The following FAM184A variants were observed in gnomAD, a reference collection of about 807,000 sequenced individuals.
FAM184A encodes family with sequence similarity 184 member A.
FAM184A carries 99 observed loss-of-function variants against 143.8 expected under a neutral mutation model. That is an observed-to-expected ratio of 0.69 (90% CI 0.58 to 0.81). The LOEUF is 0.81. Ranked by LOEUF, FAM184A falls within the 40% of genes least tolerant of loss-of-function variation. The pLI is 0.00. For missense variants in FAM184A, 1,217 were observed against 1,310.5 expected (o/e 0.93, Z 1.10); for synonymous variants, 427 against 446.4 (o/e 0.96, Z 0.55).
In FAM184A at chr6:119,078,147, G is replaced by A. The variant is rs965779535; in HGVS notation, c.153C>T (p.Leu51=). Residue 51 remains leucine (L), a synonymous_variant, in exon 1 of 18, where the codon CTC becomes CTT. Transcript: ENST00000338891. The surrounding 1 kb of genome is among the most constrained non-coding windows in gnomAD (Gnocchi z 5.5). ...HLKMSKKIAQ[L]TKVIYALNTK... ...CCGTCGCTGCCCCCCTTACCTTGGTGAGCTGGGCGATTTTCTTGCTCATTT... is the reference window on the plus strand; with the variant it reads ...CCGTCGCTGCCCCCCTTACCTTGGTAAGCTGGGCGATTTTCTTGCTCATTT... 14 of 1,588,876 alleles carry A rather than the reference G, an allele frequency of 8.8e-6. No homozygotes were observed. In the Admixed American group the frequency reaches 2.1e-4, roughly 24 times the overall value.
rs200941923 is a variant in FAM184A at position 119,024,397 on chromosome 6, A to G, written c.576T>C (p.Ala192=). The change falls in exon 2 of 18, where the codon GCT becomes GCC. Residue 192 remains alanine, a synonymous_variant. Transcript: ENST00000338891. ...GCTCTTGTATCTCCCGTCTGTGAGC[A>G]GCTTGCAAGTCTTCCAATGCCAATC... ...DKRLALEDLQ[A]AHRREIQELL... is the part of the protein sequence containing the mutation. The G allele has an allele frequency of 3.9e-5, 63 of 1,614,090 alleles. No individual in the cohort carries two copies. Among genetic ancestry groups the G allele is most frequent in the Non-Finnish European group, 5.3e-5 (62 of 1,180,058 alleles).
chr6:118,967,346 A>G (rs1783531207), intron 14 of FAM184A, among the ~76,000 whole-genome samples: 1 of 152,246 alleles, frequency 6.6e-6, no homozygotes, highest in African/African-American at 2.4e-5. Flanking sequence ...TTATCACAAT[A>G]CAATACTGTG....
In FAM184A at chr6:119,011,412, T is replaced by C; in HGVS notation, c.1550A>G (p.Asn517Ser). 1 of 1,556,134 alleles carries C rather than the reference T, an allele frequency of 6.4e-7. No individual in the cohort carries two copies. The highest frequency in any genetic ancestry group is 8.7e-7 in the Non-Finnish European group (1 of 1,144,128). ...CTCTTCCAGGTTTAGTTTATCTTTG[T>C]TATGTTGTTCTTCCAAATCCTTAGA... ...KLQMDLEEQH[N>S]KDKLNLEEDK... The change falls in exon 6 of 18, where the codon AAC (asparagine) becomes AGC (serine). Residue 517 changes from asparagine to serine, a missense_variant. Asn to Ser is a conservative substitution (Grantham distance 46). Coordinates refer to ENST00000338891, the MANE Select transcript of FAM184A (RefSeq NM_024581.6).
At chr6:119,041,235 G>C (rs1006942260) in intron 1 of FAM184A, among the ~76,000 whole-genome samples, 4 of 152,172 alleles carry the variant, frequency 2.6e-5, no homozygotes, top group Non-Finnish European at 5.9e-5. Context: ...AGAGATCCAC[G>C]GGACAGAGAT....
chr6:119,116,056 T>G (rs1348272457), intron 1 of FAM184A, among the ~76,000 whole-genome samples: 5 of 150,616 alleles, frequency 3.3e-5, no homozygotes, highest in African/African-American at 1.2e-4. Context: ...GAGACTGTCT[T>G]GGGGCTTTAT....
At chr6:119,144,275 A>C (rs1025102987) in intron 1 of FAM184A, among the ~76,000 whole-genome samples, 1 of 149,808 alleles carries the variant, frequency 6.7e-6, no homozygotes. Flanking sequence ...CGGAGCTTGC[A>C]GTGAGCTGAG....
intron 1 of FAM184A, among the ~76,000 whole-genome samples, chr6:119,124,350 G>A (rs1264937364): frequency 6.6e-6 from 1 of 152,020 alleles, no homozygotes; most frequent in Non-Finnish European, 1.5e-5. Context: ...AACTTTTATT[G>A]ACTGGCAATG....
chr6:119,018,334 T>A (rs1429722727), intron 4 of FAM184A, among the ~76,000 whole-genome samples: 3 of 152,160 alleles, frequency 2.0e-5, no homozygotes, highest in Non-Finnish European at 4.4e-5. Flanking sequence ...CCAGAGGAAA[T>A]TAATGATAAG....
At chr6:118,968,116 T>G (rs1783555596) in intron 14 of FAM184A, among the ~76,000 whole-genome samples, 2 of 152,200 alleles carry the variant, frequency 1.3e-5, no homozygotes, top group Non-Finnish European at 2.9e-5. Flanking sequence ...AGGAAGTGAT[T>G]GTCTCAGGAT....
intron 9 of FAM184A, among the ~76,000 whole-genome samples, chr6:118,997,596 G>T (rs1784612256): frequency 6.6e-6 from 1 of 151,858 alleles, no homozygotes; most frequent in African/African-American, 2.4e-5. Flanking sequence ...GCTGAGGCTG[G>T]AGAATCACTT....
At chr6:118,975,717 GCCACT>G (rs1178620713) in intron 12 of FAM184A, among the ~76,000 whole-genome samples, 195 bp downstream of exon 12, 1 of 152,140 alleles carries the variant, frequency 6.6e-6, no homozygotes, top group Admixed American at 6.5e-5. Flanking sequence ...CTGTGATTGT[GCCACT>G]CCACTCCAGC....
intron 17 of FAM184A, chr6:118,960,769 C>G (rs774967749): frequency 7.3e-7 from 1 of 1,361,042 alleles, no homozygotes; most frequent in Non-Finnish European, 9.8e-7. Flanking sequence ...GAATCCCTAC[C>G]GTCTTTGGGG....
chr6:119,127,641 T>C (rs1052518332), intron 1 of FAM184A, among the ~76,000 whole-genome samples: 13 of 152,116 alleles, frequency 8.5e-5, no homozygotes, highest in African/African-American at 2.7e-4. Context: ...GGATCAGGAA[T>C]TCCCTACCAG....
chr6:119,041,786 C>A (rs1383059455), intron 1 of FAM184A, among the ~76,000 whole-genome samples: 3 of 152,218 alleles, frequency 2.0e-5, no homozygotes, highest in South Asian at 2.1e-4. Context: ...GGGCTAAAGG[C>A]TTGCCATTGG....
chr6:119,117,685 C>A (rs2114856582), intron 1 of FAM184A, among the ~76,000 whole-genome samples: 1 of 152,290 alleles, frequency 6.6e-6, no homozygotes, highest in Middle Eastern at 3.4e-3. Flanking sequence ...GTAGGATTAT[C>A]ATTTTTTACA....
upstream of FAM184A, among the ~76,000 whole-genome samples, chr6:119,082,065 G>A (rs544054107): frequency 3.4e-4 from 52 of 152,318 alleles, no homozygotes; most frequent in African/African-American, 1.2e-3. Context: ...CAACATTTGG[G>A]CAGGAAAACA....
chr6:119,035,748 G>A (rs542524194), intron 1 of FAM184A, among the ~76,000 whole-genome samples: 1 of 152,078 alleles, frequency 6.6e-6, no homozygotes, highest in Non-Finnish European at 1.5e-5. Context: ...TTAACCAGCT[G>A]CCAAAAAAAA....
intron 1 of FAM184A, among the ~76,000 whole-genome samples, chr6:119,038,794 T>C (rs1786207470): frequency 6.6e-6 from 1 of 152,294 alleles, no homozygotes; most frequent in South Asian, 2.1e-4. Flanking sequence ...GAACCCTCTC[T>C]TGGGGTCTGG....
intron 1 of FAM184A, among the ~76,000 whole-genome samples, chr6:119,040,200 T>C (rs1786270170): frequency 6.6e-6 from 1 of 152,208 alleles, no homozygotes; most frequent in African/African-American, 2.4e-5. Context: ...CTCAGTTGAA[T>C]TCTTTCTTCT....
Sources: allele counts gnomAD v4.1 joint callset (sites outside exome capture counted in the v4.1 genomes callset), GRCh38; gene constraint gnomAD v4.1.1; non-coding constraint Gnocchi (gnomAD v3.1); transcripts MANE v1.5; gene names NCBI Gene and HGNC (gene_info 2026-07-23, HGNC 2026-07-21).